The following ARHGAP30 variants were observed in gnomAD, a reference collection of about 807,000 sequenced individuals.
The protein encoded by ARHGAP30 is rho GTPase-activating protein 30.
Under a neutral mutation model 72.0 loss-of-function variants are expected in ARHGAP30, and 23 were observed. The observed-to-expected ratio is 0.32, with a 90% confidence interval of 0.23 to 0.45. The LOEUF is 0.45. Among genes scored for constraint, ARHGAP30 ranks in the 20% least tolerant of loss-of-function variants. The pLI, the probability that ARHGAP30 is intolerant of heterozygous loss-of-function variation, is 1.00. For missense variants in ARHGAP30, 1,319 were observed against 1,383.4 expected (o/e 0.95, Z 0.74); for synonymous variants, 576 against 528.2 (o/e 1.09, Z -1.24).
chr1:161,048,096 A>C lies in ARHGAP30; in HGVS notation c.2925T>G (p.Pro975=), dbSNP rs755702567. 6.2e-7 allele frequency: 1 copy of C among 1,614,172 alleles called. No homozygotes were observed. Among genetic ancestry groups the C allele is most frequent in the South Asian group, 1.1e-5 (1 of 91,088 alleles). Residue 975 remains proline (P), a synonymous_variant, in exon 12 of 12, where the codon CCT becomes CCG. Coordinates refer to ENST00000368013, the MANE Select transcript of ARHGAP30 (RefSeq NM_001025598.2). The stretch of plus-strand genomic sequence containing the variant: ...CTCGGGACCCCCAAGCCCTTTCTCC[A>C]GGAGTCCCATCAAGCCGGCCAGGCC... ...CPRPGRLDGT[P]GERAWGSRAS...
At chr1:161,064,690 G>A (rs183998405) in intron 1 of ARHGAP30, among the ~76,000 whole-genome samples, 32 of 151,876 alleles carry the variant, frequency 2.1e-4, no homozygotes, top group African/African-American at 7.5e-4. Context: ...CCAGGAGTTT[G>A]AGGCTGCAGT....
In ARHGAP30 at chr1:161,069,235, CT is replaced by C; in HGVS notation, c.97+292del. ...AGTCACCTGCCCGCTGTTTCATCCA[CT>C]CCTCCTCGGTTTCCAGTCTCTCCAT... On this transcript the variant is annotated intron_variant, in intron 1 of 11. Coordinates refer to ENST00000368013, the MANE Select transcript of ARHGAP30 (RefSeq NM_001025598.2). This position sits in a 1 kb window ranked among gnomAD's most constrained non-coding sequence, Gnocchi z 4.9. 6.6e-6 allele frequency among the ~76,000 whole-genome samples: 1 copy of C among 152,266 alleles called. No homozygotes were observed. Among genetic ancestry groups the C allele is most frequent in the East Asian group, 1.9e-4 (1 of 5,174 alleles).
chr1:161,053,065 C>T, intron 6 of ARHGAP30, 193 bp downstream of exon 6: 1 of 932,878 alleles, frequency 1.1e-6, no homozygotes, highest in Non-Finnish European at 1.6e-6. Context: ...GAGGTCAAGC[C>T]ATGCCCTAGA....
At chr1:161,059,550 T>A in intron 2 of ARHGAP30, 64 bp downstream of exon 2, 1 of 1,418,340 alleles carries the variant, frequency 7.1e-7, no homozygotes, top group Non-Finnish European at 9.8e-7. Flanking sequence ...TCAGCAACTC[T>A]TACTGTGACC....
rs1005287649 is a variant in ARHGAP30, at chr1:161,056,662, A to G, written c.201-130T>C. 4 of 972,100 alleles carry G rather than the reference A, an allele frequency of 4.1e-6. No individual in the cohort carries two copies. The South Asian group carries it at 6.9e-5, about 17-fold the overall frequency. The allele number at this position is 972,100 out of a possible 1,614,324, so 60.2% of individuals were successfully genotyped here. On this transcript the variant is annotated intron_variant, in intron 2 of 11. Coordinates refer to ENST00000368013, the MANE Select transcript of ARHGAP30 (RefSeq NM_001025598.2). Reference sequence around the variant, plus strand: ...TTGGACTTGGAAGGAGAATGTTGGGACACGTACACATGTAAGCCAGTAAGT... The same window carrying G: ...TTGGACTTGGAAGGAGAATGTTGGGGCACGTACACATGTAAGCCAGTAAGT...
At chr1:161,059,805 G>T in intron 1 of ARHGAP30, 89 bp from the exon 2 acceptor site, 1 of 1,092,510 alleles carries the variant, frequency 9.2e-7, no homozygotes, top group Non-Finnish European at 1.3e-6. Flanking sequence ...AATTTGGGGA[G>T]ACCACGACGA....
rs369461255 is a variant in ARHGAP30 at position 161,052,453 on chromosome 1, C to G, written c.927G>C (p.Gly309=). 7.4e-6 allele frequency: 12 copies of G among 1,613,820 alleles called. No homozygotes were observed. The Admixed American group carries it at 8.3e-5, about 11-fold the overall frequency. ...CCCCAGACTTACCCCTGTCCTCAGC[C>G]CCCCGTGGAAGTTTACGCTTAGTCT... ...GHETKRKLPR[G]AEDREDKSNK... The change falls in exon 8 of 12, where the codon GGG becomes GGC. Residue 309 remains glycine, a synonymous_variant. Coordinates refer to ENST00000368013, the MANE Select transcript of ARHGAP30 (RefSeq NM_001025598.2).
chr1:161,064,779 A>AAAAGAAAGAAAG lies in ARHGAP30; in HGVS notation c.97+4737_97+4748dup, dbSNP rs201614477. On this transcript the variant is annotated intron_variant, in intron 1 of 11. Coordinates refer to ENST00000368013, the MANE Select transcript of ARHGAP30 (RefSeq NM_001025598.2). ...AGAAAGAGAAAGAAAGAAAGAAAGA[A>AAAAGAAAGAAAG]AAAGAAAGAAAGAAAGAAAGAAAGA... is the stretch of plus-strand genomic sequence containing the variant. Among the ~76,000 whole-genome samples the AAAAGAAAGAAAG allele has an allele frequency of 8.1e-3, 799 of 98,112 alleles. 11 individuals are homozygous for AAAAGAAAGAAAG. Among genetic ancestry groups the AAAAGAAAGAAAG allele is most frequent in the East Asian group, 0.027 (105 of 3,828 alleles). 64.4% of individuals were successfully genotyped at this position (98,112 alleles called of 152,430 possible). A position where few individuals can be genotyped will look rare whatever the true frequency, so the allele number is the denominator to read the frequency against.
intron 3 of ARHGAP30, among the ~76,000 whole-genome samples, chr1:161,055,437 G>A (rs1484128314): frequency 6.6e-6 from 1 of 152,082 alleles, no homozygotes; most frequent in Non-Finnish European, 1.5e-5. Context: ...AGGTTGCAGT[G>A]AGCTGTGATC....
In ARHGAP30 at chr1:161,048,038, GACT is replaced by G; in HGVS notation, c.2980_2982del (p.Ser994del). ...AGGGCCACAGCAGCATCAAAGGAAA[GACT>G]ACCCCCATTCCTCCAAGAGGATCGA... On this transcript the variant is annotated inframe_deletion, in exon 12 of 12. Transcript: ENST00000368013. The G allele has an allele frequency of 6.2e-7, 1 of 1,614,180 alleles. No homozygotes were observed. Among genetic ancestry groups the G allele is most frequent in the Non-Finnish European group, 8.5e-7 (1 of 1,180,028 alleles).
chr1:161,054,267 T>C, intron 5 of ARHGAP30, 99 bp downstream of exon 5: 1 of 1,109,392 alleles, frequency 9.0e-7, no homozygotes, highest in Non-Finnish European at 1.3e-6. Context: ...CCTACACCCT[T>C]CTCCAGTGTA....
rs749141687 is a variant in ARHGAP30, at chr1:161,056,542, C to T, written c.201-10G>A. 42 of 1,610,330 alleles carry T rather than the reference C, an allele frequency of 2.6e-5. No homozygotes were observed. The highest frequency in any genetic ancestry group is 3.4e-5 in the Non-Finnish European group (40 of 1,179,374). On this transcript the variant is annotated splice_polypyrimidine_tract_variant and intron_variant, in intron 2 of 11. Coordinates refer to ENST00000368013, the MANE Select transcript of ARHGAP30 (RefSeq NM_001025598.2). ...TGACTCAAATTCCTGCCTGGGGAGG[C>T]GCGGTGTGGTCAGGAGTGGTAGGGG... is the stretch of plus-strand genomic sequence containing the variant.
chr1:161,068,419 A>G (rs1012599624), intron 1 of ARHGAP30, among the ~76,000 whole-genome samples: 106 of 152,134 alleles, frequency 7.0e-4, no homozygotes, highest in African/African-American at 2.4e-3. Context: ...ACTGGAGGAG[A>G]AAAGGGGAAG....
intron 1 of ARHGAP30, among the ~76,000 whole-genome samples, chr1:161,066,423 G>C (rs1427813298): frequency 6.6e-6 from 1 of 151,040 alleles, no homozygotes; most frequent in Non-Finnish European, 1.5e-5. Flanking sequence ...GAGGCGAGTG[G>C]ATCACCTGAG....
chr1:161,049,485 G>T lies in ARHGAP30; in HGVS notation c.1625C>A (p.Ser542Tyr). The change falls in exon 11 of 12, where the codon TCC becomes TAC. Residue 542 changes from serine (S) to tyrosine (Y), a missense_variant. Around this residue, in one of 2 missense-constraint regions of ARHGAP30, gnomAD observed 1,097 missense variants for 1,045.2 expected, o/e 1.05. Transcript: ENST00000368013. ...CATCCCAGGGTCGTCCTCCCCAGGG[G>T]AGAAGGCTGCTCCTGCTGCTTCTGC... ...AQAEAAGAAFSPGEDDPGMGY... is the reference protein window; with the variant it reads ...AQAEAAGAAFYPGEDDPGMGY... 1 of 1,614,024 alleles carries T rather than the reference G, an allele frequency of 6.2e-7. No individual in the cohort carries two copies. Among genetic ancestry groups the T allele is most frequent in the Non-Finnish European group, 8.5e-7 (1 of 1,180,020 alleles).
At chr1:161,068,003 G>A (rs1652889157) in intron 1 of ARHGAP30, among the ~76,000 whole-genome samples, 1 of 147,524 alleles carries the variant, frequency 6.8e-6, no homozygotes. Context: ...AATCAGATCT[G>A]TCTGTCCCCT....
intron 1 of ARHGAP30, chr1:161,060,204 C>A (rs1385445126): frequency 2.2e-6 from 1 of 452,602 alleles, no homozygotes; most frequent in African/African-American, 2.0e-5. Flanking sequence ...TCACCTGAGC[C>A]CAGGAGGCAA....
At position 161,051,555 on chromosome 1, in the gene ARHGAP30, C is replaced by G. The variant is rs749964924; in HGVS notation, c.1179G>C (p.Arg393=). ...TGCTGCCCCCAGCCCGGATGGCTGACCGCCCAGCTCGTGGTGTGCCTGGTT... is the reference window on the plus strand; with the variant it reads ...TGCTGCCCCCAGCCCGGATGGCTGAGCGCCCAGCTCGTGGTGTGCCTGGTT... ...NSEPGTPRAG[R]SAIRAGGSSR... is the part of the protein sequence containing the mutation. Residue 393 remains arginine, a synonymous_variant, in exon 10 of 12, where the codon CGG becomes CGC. Transcript: ENST00000368013. The G allele has an allele frequency of 6.2e-7, 1 of 1,614,120 alleles. No homozygotes were observed. The highest frequency in any genetic ancestry group is 1.7e-5 in the Admixed American group (1 of 60,032).
At chr1:161,064,791 GAAA>G (rs1652587684) in intron 1 of ARHGAP30, among the ~76,000 whole-genome samples, 2 of 56,458 alleles carry the variant, frequency 3.5e-5, no homozygotes, top group Admixed American at 3.6e-4. Flanking sequence ...AAGAAAGAAA[GAAA>G]GAAAGAAAGA....
Sources: gnomAD v4.1 joint callset for allele counts (sites outside exome capture counted in the v4.1 genomes callset) on GRCh38, gnomAD v4.1.1 for gene constraint, gnomAD v4.1.1 regional missense constraint, Gnocchi (gnomAD v3.1) non-coding constraint, MANE v1.5 for transcripts, NCBI Gene and HGNC (gene_info 2026-07-23, HGNC 2026-07-21) for gene names.